Variants in ADAP1 observed in about 807,000 individuals in gnomAD.
ADAP1 encodes the protein ArfGAP with dual PH domains 1.
A neutral mutation model predicts 54.9 loss-of-function variants in ADAP1; 31 were observed. The ratio of observed to expected loss-of-function variants is 0.56; its 90% CI spans 0.42 to 0.76. The LOEUF is 0.76. Among genes scored for constraint, ADAP1 ranks in the 30% least tolerant of loss-of-function variants. ADAP1 has a pLI of 0.00. For missense variants in ADAP1, 535 were observed against 512.4 expected (o/e 1.04, Z -0.42); for synonymous variants, 313 against 202.6 (o/e 1.55, Z -4.63).
intron 4 of ADAP1, among the ~76,000 whole-genome samples, chr7:910,269 G>A (rs148040434): frequency 2.1e-3 from 311 of 150,872 alleles, no homozygotes; most frequent in African/African-American, 6.6e-3. Context: ...CGTTTACGAG[G>A]CTTTTTTTTT....
At chr7:904,078 G>C in intron 6 of ADAP1, 48 bp downstream of exon 6, 1 of 1,602,156 alleles carries the variant, frequency 6.2e-7, no homozygotes, top group Non-Finnish European at 8.5e-7. Flanking sequence ...CGGGCCTGAG[G>C]GCCCACCCTC....
In ADAP1 at chr7:939,968, C is replaced by T. The variant is rs115207646; in HGVS notation, c.83-4463G>A. On this transcript the variant is annotated intron_variant, in intron 1 of 10. Transcript: ENST00000265846. Reference sequence around the variant, plus strand: ...CTAATATAGCCTATCTTTGACAAACCAGCTACAAGTGAGGCTAAGGAGTGG... The same window carrying T: ...CTAATATAGCCTATCTTTGACAAACTAGCTACAAGTGAGGCTAAGGAGTGG... Among the ~76,000 whole-genome samples the T allele has an allele frequency of 5.4e-3, 816 of 152,154 alleles. 7 individuals carry two copies. The highest frequency in any genetic ancestry group is 0.018 in the African/African-American group (762 of 41,490).
rs999987336 is a variant in ADAP1 at position 948,974 on chromosome 7, C to T, written c.82+5422G>A. On this transcript the variant is annotated intron_variant, in intron 1 of 10. Transcript: ENST00000265846. ...CCTCCCAAAGTGCTGGGATTACAGG[C>T]GTGAGCCACCATGCCCGGCCCTCAC... Among the ~76,000 whole-genome samples, 14 of 152,166 alleles carry T rather than the reference C, an allele frequency of 9.2e-5. No homozygotes were observed. In the South Asian group the frequency reaches 1.7e-3, roughly 18 times the overall value.
At chr7:907,185 C>G (rs1845503722) in intron 4 of ADAP1, among the ~76,000 whole-genome samples, 1 of 152,170 alleles carries the variant, frequency 6.6e-6, no homozygotes, top group Admixed American at 6.5e-5. Context: ...CCACACACAG[C>G]CACAGAAAAG....
At position 905,365 on chromosome 7, in the gene ADAP1, GGAAAGGGAAAGGA is replaced by G. The variant is rs774677162; in HGVS notation, c.389-206_389-194del. The stretch of plus-strand genomic sequence containing the variant: ...GAGATAGGAAGATGGGCAGGGAAAG[GGAAAGGGAAAGGA>G]GAAAGGAGAAAGGAGAAAGGAGAAA... On this transcript the variant is annotated intron_variant, in intron 4 of 10. Coordinates refer to ENST00000265846, the MANE Select transcript of ADAP1 (RefSeq NM_006869.4). 4.5e-3 allele frequency: 592 copies of G among 131,524 alleles called. 105 individuals are homozygous for G. Among genetic ancestry groups the G allele is most frequent in the South Asian group, 0.018 (213 of 12,138 alleles). The allele number at this position is 131,524 out of a possible 1,614,324, so 8.1% of individuals were successfully genotyped here. A position where few individuals can be genotyped will look rare whatever the true frequency, so the allele number is the denominator to read the frequency against.
chr7:947,541 T>C (rs1476203107), intron 1 of ADAP1, among the ~76,000 whole-genome samples: 1 of 151,874 alleles, frequency 6.6e-6, no homozygotes, highest in East Asian at 1.9e-4. Context: ...CACGTCCCCA[T>C]CTCAGCGAGT....
intron 4 of ADAP1, 38 bp downstream of exon 4, chr7:919,930 G>A: frequency 6.4e-7 from 1 of 1,554,026 alleles, no homozygotes; most frequent in Non-Finnish European, 8.7e-7. Flanking sequence ...GCCAGGGAGA[G>A]GTAGCCGGGA....
rs1001660622 is a variant in ADAP1 at position 920,479 on chromosome 7, G to T, written c.306-429C>A. Among the ~76,000 whole-genome samples, 1 of 145,136 alleles carries T rather than the reference G, an allele frequency of 6.9e-6. No individual in the cohort carries two copies. Among genetic ancestry groups the T allele is most frequent in the African/African-American group, 2.6e-5 (1 of 39,142 alleles). On this transcript the variant is annotated intron_variant, in intron 3 of 10. Transcript: ENST00000265846. This position sits in a 1 kb window ranked among gnomAD's most constrained non-coding sequence, Gnocchi z 4.5. ...GTTGGACCGGATCTGGGAAGTGGCC[G>T]CGGCGCCGCCCTCCACCCACCGTGC... is the stretch of plus-strand genomic sequence containing the variant.
intron 4 of ADAP1, chr7:905,635 G>GAGAAAGGAGAAAGGGAAAGGA (rs370672323): frequency 3.4e-5 from 1 of 29,344 alleles, no homozygotes; most frequent in Non-Finnish European, 6.3e-5. Flanking sequence ...AAGGAGAAAG[G>GAGAAAGGAGAAAGGGAAAGGA]GAAAGGAGAA....
intron 3 of ADAP1, among the ~76,000 whole-genome samples, chr7:924,753 C>G (rs1480866128): frequency 6.6e-6 from 1 of 151,824 alleles, no homozygotes; most frequent in African/African-American, 2.4e-5. Flanking sequence ...GCACCCATGT[C>G]AGCCCCCGGT....
intron 1 of ADAP1, among the ~76,000 whole-genome samples, chr7:949,578 G>T (rs1847219184): frequency 6.6e-6 from 1 of 152,234 alleles, no homozygotes; most frequent in Non-Finnish European, 1.5e-5. Context: ...GGGGAAGCTG[G>T]CTGCGGTCAC....
intron 2 of ADAP1, among the ~76,000 whole-genome samples, chr7:929,344 G>A (rs1240860373): frequency 2.0e-5 from 3 of 150,812 alleles, no homozygotes; most frequent in Non-Finnish European, 3.0e-5. Flanking sequence ...CAACCCAGGC[G>A]ATCCTTGGAC....
At chr7:939,250 G>C (rs957948889) in intron 1 of ADAP1, among the ~76,000 whole-genome samples, 2 of 151,996 alleles carry the variant, frequency 1.3e-5, no homozygotes, top group African/African-American at 4.8e-5. Flanking sequence ...ACAGAGTTTC[G>C]CTCTTGTTGT....
chr7:924,279 T>C (rs59870913), intron 3 of ADAP1, among the ~76,000 whole-genome samples: 42 of 27,704 alleles, frequency 1.5e-3, no homozygotes, highest in South Asian at 6.1e-3. Flanking sequence ...CTGCACCCCC[T>C]GCCCTCCAGG....
At chr7:925,837 G>C (rs1029461838) in intron 3 of ADAP1, among the ~76,000 whole-genome samples, 1 of 152,232 alleles carries the variant, frequency 6.6e-6, no homozygotes, top group Non-Finnish European at 1.5e-5. Flanking sequence ...CACGGAGTGA[G>C]TCAACGGAGG....
intron 4 of ADAP1, 43 bp from the exon 5 acceptor site, chr7:905,215 G>T: frequency 1.3e-6 from 2 of 1,526,976 alleles, no homozygotes; most frequent in East Asian, 4.6e-5. Context: ...GTGGATGGGG[G>T]GGAGGAAACA....
At chr7:950,859 A>C (rs76805950) in intron 1 of ADAP1, among the ~76,000 whole-genome samples, 1 of 65,652 alleles carries the variant, frequency 1.5e-5, no homozygotes, top group South Asian at 7.2e-4. Context: ...TCCGTCTCAA[A>C]AAAAAAAAAA....
chr7:899,781 A>G (rs1183457372), intron 8 of ADAP1, among the ~76,000 whole-genome samples: 1 of 152,048 alleles, frequency 6.6e-6, no homozygotes, highest in Non-Finnish European at 1.5e-5. Context: ...CTCCGGGACC[A>G]CCAAGACTCC....
chr7:952,402 C>G (rs1847293309), intron 1 of ADAP1, among the ~76,000 whole-genome samples: 1 of 152,186 alleles, frequency 6.6e-6, no homozygotes, highest in African/African-American at 2.4e-5. Flanking sequence ...CTGAGGACAG[C>G]AGAACGTGCC....
Sources: gnomAD v4.1 joint callset for allele counts (sites outside exome capture counted in the v4.1 genomes callset) on GRCh38, gnomAD v4.1.1 for gene constraint, Gnocchi (gnomAD v3.1) non-coding constraint, MANE v1.5 for transcripts, NCBI Gene and HGNC (gene_info 2026-07-23, HGNC 2026-07-21) for gene names.